Variants in FGF6 observed in about 807,000 individuals in gnomAD.
FGF6 encodes the protein FGF-6.
FGF6 carries 14 observed loss-of-function variants against 18.4 expected under a neutral mutation model. The ratio of observed to expected loss-of-function variants is 0.76; its 90% CI spans 0.50 to 1.19. The LOEUF is 1.19. Ranked by LOEUF, FGF6 falls within the 50% of genes most tolerant of loss-of-function variation. The pLI is 0.00. For missense variants in FGF6, 266 were observed against 271.6 expected, an observed-to-expected ratio of 0.98 and a Z score of 0.15; for synonymous variants, 125 against 116.7, an observed-to-expected ratio of 1.07 and a Z score of -0.46.
chr12:4,436,841 G>A (rs555047440), intron 2 of FGF6, among the ~76,000 whole-genome samples: 6 of 152,328 alleles, frequency 3.9e-5, no homozygotes, highest in Admixed American at 1.3e-4. Flanking sequence ...ATGTGAAGGC[G>A]TTCACTAGCC....
Position 4,445,244 on chromosome 12 carries a change from G to A in FGF6, c.327C>T (p.Thr109=). The change falls in exon 1 of 3, where the codon ACC becomes ACT. Residue 109 remains threonine, a synonymous_variant. Coordinates refer to ENST00000228837, the MANE Select transcript of FGF6 (RefSeq NM_020996.3). The surrounding 1 kb of genome is among the most constrained non-coding windows in gnomAD (Gnocchi z 5.5). ...ACTCACTGTAGGGGTTCTCCTCGTG[G>A]GTCCCGCTGATCCGGCCGTCGGGGA... ...QVLPDGRISG[T]HEENPYSLLE... The A allele has an allele frequency of 6.2e-7, 1 of 1,612,068 alleles. No homozygotes were observed. Among genetic ancestry groups the A allele is most frequent in the Non-Finnish European group, 8.5e-7 (1 of 1,179,302 alleles).
intron 2 of FGF6, among the ~76,000 whole-genome samples, chr12:4,440,726 AGGCCCTGCATAAG>A (rs775769253): frequency 1.6e-4 from 24 of 152,184 alleles, no homozygotes; most frequent in Non-Finnish European, 3.1e-4. Flanking sequence ...GCAGAGCCTC[AGGCCCTGCATAAG>A]GGCATGCACC....
In FGF6 at chr12:4,445,496, G is replaced by C. The variant is rs17183515; in HGVS notation, c.75C>G (p.Leu25=). ...AGRLQGTLWA[L]VFLGILVGMV... ...TGCCCACTAGGATGCCTAGGAAGAC[G>C]AGAGCCCACAGCGTGCCCTGCAGAC... Residue 25 remains leucine, a synonymous_variant, in exon 1 of 3, where the codon CTC becomes CTG. Coordinates refer to ENST00000228837, the MANE Select transcript of FGF6 (RefSeq NM_020996.3). The surrounding 1 kb of genome is among the most constrained non-coding windows in gnomAD (Gnocchi z 5.5). The C allele has an allele frequency of 1.2e-6, 2 of 1,612,944 alleles. No homozygotes were observed.
chr12:4,440,554 T>G (rs1417882631), intron 2 of FGF6, among the ~76,000 whole-genome samples: 4 of 152,246 alleles, frequency 2.6e-5, no homozygotes. Flanking sequence ...TTTTCCTGTC[T>G]TTAGCTGAAA....
At position 4,445,110 on chromosome 12, in the gene FGF6, G is replaced by T; in HGVS notation, c.346+115C>A. 1.1e-6 allele frequency: 1 copy of T among 889,192 alleles called. No individual in the cohort carries two copies. Among genetic ancestry groups the T allele is most frequent in the African/African-American group, 1.7e-5 (1 of 59,854 alleles). The allele number at this position is 889,192 out of a possible 1,614,324, so 55.1% of individuals were successfully genotyped here. A position where few individuals can be genotyped will look rare whatever the true frequency, so the allele number is the denominator to read the frequency against. On this transcript the variant is annotated intron_variant, in intron 1 of 2. Transcript: ENST00000228837. This position sits in a 1 kb window ranked among gnomAD's most constrained non-coding sequence, Gnocchi z 5.5. ...CGTGGAATCATCTAAGTGGTGAGCA[G>T]CATTTCTGCCCCCTTTATCGTGCAT... is the stretch of plus-strand genomic sequence containing the variant.
At chr12:4,439,894 G>A (rs1382839433) in intron 2 of FGF6, among the ~76,000 whole-genome samples, 2 of 152,196 alleles carry the variant, frequency 1.3e-5, no homozygotes, top group Non-Finnish European at 2.9e-5. Context: ...AAGGCCAGGA[G>A]GCCTGTGGCA....
intron 2 of FGF6, among the ~76,000 whole-genome samples, chr12:4,437,033 T>G (rs17183710): frequency 0.01 from 1,544 of 152,320 alleles, 25 homozygotes; most frequent in African/African-American, 0.035. Context: ...AAGGTTAGAC[T>G]GATGACAATA....
intron 2 of FGF6, among the ~76,000 whole-genome samples, chr12:4,442,644 C>T (rs1388262721): frequency 6.6e-6 from 1 of 152,198 alleles, no homozygotes; most frequent in Non-Finnish European, 1.5e-5. Context: ...ATTATGCAGG[C>T]TGGGAAGAAG....
chr12:4,445,416 C>T lies in FGF6; in HGVS notation c.155G>A (p.Arg52Lys). ...TRANNTLLDS[R>K]GWGTLLSRSR... ...CCTGGACAGCAGGGTGCCCCAGCCC[C>T]TCGAGTCCAGCAGCGTGTTGTTGGC... The change falls in exon 1 of 3, where the codon AGG (arginine) becomes AAG (lysine). Residue 52 changes from arginine (R) to lysine (K), a missense_variant. Arg to Lys is a conservative substitution (Grantham distance 26). Transcript: ENST00000228837. This position sits in a 1 kb window ranked among gnomAD's most constrained non-coding sequence, Gnocchi z 5.5. The T allele has an allele frequency of 1.2e-6, 2 of 1,613,500 alleles. No individual in the cohort carries two copies. The highest frequency in any genetic ancestry group is 1.1e-5 in the South Asian group (1 of 91,068).
rs551033964 is a variant in FGF6 at position 4,438,329 on chromosome 12, G to T, written c.451-3938C>A. Reference sequence around the variant, plus strand: ...TTATAATCTCTATAAAGAGCAATTTGGCAGCATCTACCAGAATAAAGGATG... The same window carrying T: ...TTATAATCTCTATAAAGAGCAATTTTGCAGCATCTACCAGAATAAAGGATG... On this transcript the variant is annotated intron_variant, in intron 2 of 2. Transcript: ENST00000228837. Among the ~76,000 whole-genome samples the T allele has an allele frequency of 5.9e-5, 9 of 152,236 alleles. No homozygotes were observed. In the East Asian group the frequency reaches 1.7e-3, roughly 29 times the overall value.
intron 2 of FGF6, 70 bp from the exon 3 acceptor site, chr12:4,434,461 C>A: frequency 6.6e-7 from 1 of 1,510,616 alleles, no homozygotes; most frequent in Non-Finnish European, 9.2e-7. Context: ...CCAGCTGGGC[C>A]GCAGAGAGTA....
chr12:4,435,962 TGAAAA>T (rs1014609559), intron 2 of FGF6, among the ~76,000 whole-genome samples: 2 of 151,948 alleles, frequency 1.3e-5, no homozygotes, highest in African/African-American at 4.8e-5. Context: ...GATCTACTCT[TGAAAA>T]GAAATATAGA....
Position 4,445,327 on chromosome 12 carries a change from T to G in FGF6, c.244A>C (p.Ile82Leu). Residue 82 changes from isoleucine to leucine, a missense_variant, in exon 1 of 3, where the codon ATC becomes CTC. Transcript: ENST00000228837. The surrounding 1 kb of genome is among the most constrained non-coding windows in gnomAD (Gnocchi z 5.5). ...VNWESGYLVGIKRQRRLYCNV... is the reference protein window; with the variant it reads ...VNWESGYLVGLKRQRRLYCNV... ...CAGTAGAGCCTCCGCTGCCGCTTGA[T>G]CCCCACCAAATAGCCACTTTCCCAG... 1 of 1,614,006 alleles carries G rather than the reference T, an allele frequency of 6.2e-7. No homozygotes were observed. Among genetic ancestry groups the G allele is most frequent in the South Asian group, 1.1e-5 (1 of 91,078 alleles).
At position 4,445,341 on chromosome 12, in the gene FGF6, C is replaced by T. The variant is rs758975759; in HGVS notation, c.230G>A (p.Gly77Asp). Residue 77 changes from glycine (G) to aspartate (D), a missense_variant, in exon 1 of 3, where the codon GGC (glycine) becomes GAC (aspartate). Coordinates refer to ENST00000228837, the MANE Select transcript of FGF6 (RefSeq NM_020996.3). The surrounding 1 kb of genome is among the most constrained non-coding windows in gnomAD (Gnocchi z 5.5). ...GEIAGVNWES[G>D]YLVGIKRQRR... ...CTGCCGCTTGATCCCCACCAAATAGCCACTTTCCCAGTTCACCCCGGCAAT... is the reference window on the plus strand; with the variant it reads ...CTGCCGCTTGATCCCCACCAAATAGTCACTTTCCCAGTTCACCCCGGCAAT... The T allele has an allele frequency of 1.9e-6, 3 of 1,614,096 alleles. No homozygotes were observed. Among genetic ancestry groups the T allele is most frequent in the Non-Finnish European group, 2.5e-6 (3 of 1,180,050 alleles).
At chr12:4,444,714 T>C (rs565419968) in intron 1 of FGF6, among the ~76,000 whole-genome samples, 3 of 152,270 alleles carry the variant, frequency 2.0e-5, no homozygotes, top group African/African-American at 7.2e-5. Flanking sequence ...GATAGGAGAC[T>C]AACCATACAG....
In FGF6 at chr12:4,444,207, C is replaced by T; in HGVS notation, c.376G>A (p.Gly126Ser). 6.2e-7 allele frequency: 1 copy of T among 1,613,904 alleles called. No homozygotes were observed. Among genetic ancestry groups the T allele is most frequent in the East Asian group, 2.2e-5 (1 of 44,878 alleles). Residue 126 changes from glycine to serine, a missense_variant, in exon 2 of 3, where the codon GGC becomes AGC. By Grantham distance (56) the Gly-to-Ser change is moderately conservative. Coordinates refer to ENST00000228837, the MANE Select transcript of FGF6 (RefSeq NM_020996.3). The part of the protein sequence containing the change: ...SLLEISTVER[G>S]VVSLFGVRSA... Reference sequence around the variant, plus strand: ...CTCACTCCAAAGAGACTCACCACGCCTCGCTCCACAGTGGAAATTTCCAGC... The same window carrying T: ...CTCACTCCAAAGAGACTCACCACGCTTCGCTCCACAGTGGAAATTTCCAGC...
Position 4,445,138 on chromosome 12 carries a change from T to C in FGF6, c.346+87A>G, listed in dbSNP as rs1865742188. 4.4e-6 allele frequency: 5 copies of C among 1,132,906 alleles called. No individual in the cohort carries two copies. Among genetic ancestry groups the C allele is most frequent in the Non-Finnish European group, 6.3e-6 (5 of 795,786 alleles). The allele number at this position is 1,132,906 out of a possible 1,614,324, so 70.2% of individuals were successfully genotyped here. ...TTTCTGCCCCCTTTATCGTGCATCC[T>C]GTCCGCTAGAGCAGGGCCCCTTCAC... On this transcript the variant is annotated intron_variant, in intron 1 of 2. Coordinates refer to ENST00000228837, the MANE Select transcript of FGF6 (RefSeq NM_020996.3). This position sits in a 1 kb window ranked among gnomAD's most constrained non-coding sequence, Gnocchi z 5.5.
At chr12:4,440,504 C>A (rs1865678060) in intron 2 of FGF6, among the ~76,000 whole-genome samples, 2 of 152,230 alleles carry the variant, frequency 1.3e-5, no homozygotes, top group African/African-American at 2.4e-5. Context: ...TAAACCAATT[C>A]TTTGTCCTAA....
In FGF6 at chr12:4,435,124, G is replaced by C. The variant is rs537847404; in HGVS notation, c.451-733C>G. ...TTGACTTTGAGTCTAGAAGAGGTCT[G>C]GTACCTCCTAGACCAGGGGTCCCCG... On this transcript the variant is annotated intron_variant, in intron 2 of 2. Coordinates refer to ENST00000228837, the MANE Select transcript of FGF6 (RefSeq NM_020996.3). 7.2e-5 allele frequency among the ~76,000 whole-genome samples: 11 copies of C among 152,156 alleles called. No individual in the cohort carries two copies. The South Asian group carries it at 2.1e-3, about 29-fold the overall frequency.
Sources: allele counts gnomAD v4.1 joint callset (sites outside exome capture counted in the v4.1 genomes callset), GRCh38; gene constraint gnomAD v4.1.1; non-coding constraint Gnocchi (gnomAD v3.1); transcripts MANE v1.5; gene names NCBI Gene and HGNC (gene_info 2026-07-23, HGNC 2026-07-21).